ADAMTS7: variants seen among roughly 807,000 people sequenced by gnomAD.
ADAMTS7 encodes ADAM metallopeptidase with thrombospondin type 1 motif 7.
In ADAMTS7, 89 loss-of-function variants were observed where a neutral mutation model predicts 172.6. The observed-to-expected ratio is 0.52, with a 90% CI of 0.43 to 0.61. The LOEUF is 0.61. Ranked by LOEUF, ADAMTS7 falls within the 20% of genes least tolerant of loss-of-function variation. ADAMTS7 has a pLI of 0.00. For synonymous variants in ADAMTS7, 885 were observed against 978.4 expected (o/e 0.90, Z 1.78); for missense variants, 1,973 against 2,355.6 (o/e 0.84, Z 3.36).
At chr15:78,799,887 C>T (rs950916421) in intron 2 of ADAMTS7, among the ~76,000 whole-genome samples, 1 of 150,332 alleles carries the variant, frequency 6.7e-6, no homozygotes, top group Admixed American at 6.6e-5. Context: ...GCCAGCTAAG[C>T]GCAATCACCA....
rs1173423750 is a variant in ADAMTS7 at position 78,759,223 on chromosome 15, T to TC, written c.*197dup. ...CGCTGTGCTTTGGAATGGTAGATGC[T>TC]CATTTATGTAAAATCATAATAAATG... On this transcript the variant is annotated 3_prime_UTR_variant, in exon 24 of 24. Transcript: ENST00000388820. 3 of 482,558 alleles carry TC rather than the reference T, an allele frequency of 6.2e-6. No individual in the cohort carries two copies. Among genetic ancestry groups the TC allele is most frequent in the Non-Finnish European group, 1.1e-5 (3 of 280,074 alleles). The allele number at this position is 482,558 out of a possible 1,614,324, so 29.9% of individuals were successfully genotyped here.
chr15:78,790,932 C>A, intron 5 of ADAMTS7, 138 bp from the exon 6 acceptor site: 1 of 1,378,376 alleles, frequency 7.3e-7, no homozygotes, highest in Non-Finnish European at 1.0e-6. Context: ...GAGCTTCCAG[C>A]CTGACCATCC....
rs776753363 is a variant in ADAMTS7 at position 78,771,186 on chromosome 15, T to C, written c.2494A>G (p.Lys832Glu). 16 of 1,610,808 alleles carry C rather than the reference T, an allele frequency of 9.9e-6. No individual in the cohort carries two copies. The highest frequency in any genetic ancestry group is 1.4e-5 in the Non-Finnish European group (16 of 1,179,264). The change falls in exon 16 of 24, where the codon AAG (lysine) becomes GAG (glutamate). Residue 832 changes from lysine (K) to glutamate (E), a missense_variant. Lys to Glu is a moderately conservative substitution (Grantham distance 56). Coordinates refer to ENST00000388820, the MANE Select transcript of ADAMTS7 (RefSeq NM_014272.5). The surrounding 1 kb of genome is among the most constrained non-coding windows in gnomAD (Gnocchi z 4.9). Reference protein sequence around the residue: ...VFSWHYGPWTKCTVTCGRGVQ... With the variant: ...VFSWHYGPWTECTVTCGRGVQ... ...CCTCTGCCGCAGGTGACTGTGCACTTGGTCCAGGGCCCATAATGCCAGGAG... is the reference window on the plus strand; with the variant it reads ...CCTCTGCCGCAGGTGACTGTGCACTCGGTCCAGGGCCCATAATGCCAGGAG...
At chr15:78,782,461 G>A (rs2055441351) in intron 8 of ADAMTS7, among the ~76,000 whole-genome samples, 2 of 146,496 alleles carry the variant, frequency 1.4e-5, no homozygotes, top group African/African-American at 2.6e-5. Context: ...TCACATCCCT[G>A]CTTAAGCCCC....
Position 78,771,132 on chromosome 15 carries a change from A to T in ADAMTS7, c.2518+30T>A, listed in dbSNP as rs1809409. 0.38 allele frequency: 590,991 copies of T among 1,572,120 alleles called. 119,739 individuals are homozygous for T. The highest frequency in any genetic ancestry group is 0.43 in the Non-Finnish European group (491,596 of 1,156,426). On this transcript the variant is annotated intron_variant, in intron 16 of 23. Coordinates refer to ENST00000388820, the MANE Select transcript of ADAMTS7 (RefSeq NM_014272.5). The surrounding 1 kb of genome is among the most constrained non-coding windows in gnomAD (Gnocchi z 4.9). ...CCCTGTCCAGACACTAAGCCCCTGC[A>T]GGTGGGGCTGTGCCTGCCCCACTTC...
At position 78,777,444 on chromosome 15, in the gene ADAMTS7, A is replaced by G; in HGVS notation, c.1467T>C (p.Asp489=). 6.2e-7 allele frequency: 1 copy of G among 1,612,034 alleles called. No individual in the cohort carries two copies. Among genetic ancestry groups the G allele is most frequent in the Non-Finnish European group, 8.5e-7 (1 of 1,179,366 alleles). The change falls in exon 9 of 24, where the codon GAT becomes GAC. Residue 489 remains aspartate (D), a splice_region_variant and synonymous_variant. Transcript: ENST00000388820. The part of the protein sequence containing the change: ...GAYSAFCEDM[D]NVCHTLWCSV... Reference sequence around the variant, plus strand: ...CCACACCCACACCGGCCCCACTCACATCCATGTCCTCGCAGAAGGCAGAGT... The same window carrying G: ...CCACACCCACACCGGCCCCACTCACGTCCATGTCCTCGCAGAAGGCAGAGT...
rs999598641 is a variant in ADAMTS7, at chr15:78,762,688, C to T, written c.4741-123G>A. 3.7e-5 allele frequency: 29 copies of T among 794,506 alleles called. 1 individual carries two copies. Among genetic ancestry groups the T allele is most frequent in the East Asian group, 1.0e-4 (3 of 29,976 alleles). The allele number at this position is 794,506 out of a possible 1,614,324, so 49.2% of individuals were successfully genotyped here. A position where few individuals can be genotyped will look rare whatever the true frequency, so the allele number is the denominator to read the frequency against. On this transcript the variant is annotated intron_variant, in intron 22 of 23. Transcript: ENST00000388820. ...TGACTGGCCTGGCCTTGCTCCCAGC[C>T]GCCCCCTCAGTGCCTCCTGGAGCAC...
At chr15:78,779,814 T>C (rs2055404708) in intron 8 of ADAMTS7, among the ~76,000 whole-genome samples, 1 of 151,910 alleles carries the variant, frequency 6.6e-6, no homozygotes, top group Non-Finnish European at 1.5e-5. Context: ...CCAGCCCTTC[T>C]GCTTCCTGGC....
chr15:78,791,891 C>G (rs910847735), intron 4 of ADAMTS7, among the ~76,000 whole-genome samples: 5 of 152,108 alleles, frequency 3.3e-5, no homozygotes, highest in African/African-American at 1.2e-4. Context: ...CGGGGCTATC[C>G]CCAAAGATGG....
chr15:78,770,949 G>A (rs2090329129), intron 16 of ADAMTS7: 2 of 642,396 alleles, frequency 3.1e-6, no homozygotes, highest in South Asian at 2.1e-5. Flanking sequence ...CATGCGCCGC[G>A]AGCCAGCACC....
intron 7 of ADAMTS7, among the ~76,000 whole-genome samples, chr15:78,788,635 G>T (rs1377581255): frequency 1.3e-5 from 2 of 152,260 alleles, no homozygotes; most frequent in Non-Finnish European, 1.5e-5. Context: ...GAGCAGCCCT[G>T]CCCCTGCCTG....
chr15:78,796,180 G>C lies in ADAMTS7; in HGVS notation c.819+410C>G, dbSNP rs112134468. 3.2e-3 allele frequency among the ~76,000 whole-genome samples: 485 copies of C among 152,326 alleles called. 1 individual carries two copies. The highest frequency in any genetic ancestry group is 8.5e-3 in the South Asian group (41 of 4,820). On this transcript the variant is annotated intron_variant, in intron 4 of 23. Coordinates refer to ENST00000388820, the MANE Select transcript of ADAMTS7 (RefSeq NM_014272.5). ...GATGTCTCAGGCAGAGTCTCAGGCA[G>C]AGTGTAGTCTGATCAGGCATTTCTG...
In ADAMTS7 at chr15:78,790,806, G is replaced by T. The variant is rs751943457; in HGVS notation, c.904-12C>A. 6.2e-7 allele frequency: 1 copy of T among 1,612,932 alleles called. No individual in the cohort carries two copies. Among genetic ancestry groups the T allele is most frequent in the Non-Finnish European group, 8.5e-7 (1 of 1,179,654 alleles). ...ATCTTTAGGTCCTCCTGGGGGCAGA[G>T]AGAGTGACTGCTCATGCCTCCCCTG... On this transcript the variant is annotated splice_polypyrimidine_tract_variant and intron_variant, in intron 5 of 23. Transcript: ENST00000388820.
chr15:78,807,355 G>A lies in ADAMTS7; in HGVS notation c.100+3766C>T, dbSNP rs77994198. Among the ~76,000 whole-genome samples the A allele has an allele frequency of 9.0e-3, 1,376 of 152,320 alleles. 52 individuals are homozygous for A. In the East Asian group the frequency reaches 0.12, roughly 14 times the overall value. On this transcript the variant is annotated intron_variant, in intron 1 of 23. Transcript: ENST00000388820. ...TCTGGGGAAGAACCCATGCCCCAGC[G>A]GATGTACAGTCCTGTTGAGAATACC...
intron 4 of ADAMTS7, among the ~76,000 whole-genome samples, chr15:78,793,860 C>A (rs1342968493): frequency 1.3e-5 from 2 of 152,208 alleles, no homozygotes; most frequent in Non-Finnish European, 2.9e-5. Flanking sequence ...CAGAATGGGG[C>A]TTTGGAGGTA....
At chr15:78,759,599 G>A in intron 23 of ADAMTS7, 21 bp from the exon 24 acceptor site, 2 of 1,564,728 alleles carry the variant, frequency 1.3e-6, no homozygotes, top group Non-Finnish European at 1.7e-6. Flanking sequence ...GGGGCAGAGA[G>A]GCATCAGAAC....
intron 8 of ADAMTS7, among the ~76,000 whole-genome samples, chr15:78,780,780 C>T (rs1262677270): frequency 6.6e-6 from 1 of 152,238 alleles, no homozygotes; most frequent in Non-Finnish European, 1.5e-5. Context: ...CCTTCTTCCT[C>T]GGCGTGGAAG....
chr15:78,788,102 C>T, intron 8 of ADAMTS7, 129 bp downstream of exon 8: 2 of 1,281,494 alleles, frequency 1.6e-6, no homozygotes, highest in Non-Finnish European at 2.2e-6. Context: ...TAGACCTTGA[C>T]CTCATGTATC....
chr15:78,772,851 T>C (rs1302716189), intron 14 of ADAMTS7, among the ~76,000 whole-genome samples: 1 of 152,212 alleles, frequency 6.6e-6, no homozygotes, highest in Non-Finnish European at 1.5e-5. Context: ...ACAAGCCGGG[T>C]TGGCCCTATC....
Sources: gnomAD v4.1 joint callset for allele counts (sites outside exome capture counted in the v4.1 genomes callset) on GRCh38, gnomAD v4.1.1 for gene constraint, Gnocchi (gnomAD v3.1) non-coding constraint, MANE v1.5 for transcripts, NCBI Gene and HGNC (gene_info 2026-07-23, HGNC 2026-07-21) for gene names.